NCAPH2: variants seen among roughly 807,000 people sequenced by gnomAD.
NCAPH2 encodes condensin-2 complex subunit H2.
NCAPH2 carries 56 observed loss-of-function variants against 88.6 expected under a neutral mutation model. The observed-to-expected ratio is 0.63, with a 90% CI of 0.51 to 0.79. NCAPH2 has a LOEUF of 0.79. Ranked by LOEUF, NCAPH2 falls within the 30% of genes least tolerant of loss-of-function variation. The pLI, the probability that NCAPH2 is intolerant of heterozygous loss-of-function variation, is 0.00. For missense variants in NCAPH2, 794 were observed against 792.0 expected, an observed-to-expected ratio of 1.00 and a Z score of -0.03; for synonymous variants, 378 against 313.6, an observed-to-expected ratio of 1.21 and a Z score of -2.17.
At position 50,521,030 on chromosome 22, in the gene NCAPH2, C is replaced by T. The variant is rs559989268; in HGVS notation, c.927C>T (p.Cys309=). ...EREGAPEPAS[C]VKETPDPWQS... ...AGGGGGCCCCAGAGCCTGCATCCTGCGTGAAGGTAGGAGTGTTGGGGCCCT... is the reference window on the plus strand; with the variant it reads ...AGGGGGCCCCAGAGCCTGCATCCTGTGTGAAGGTAGGAGTGTTGGGGCCCT... The change falls in exon 10 of 20, where the codon TGC becomes TGT. Residue 309 remains cysteine, a synonymous_variant. Transcript: ENST00000420993. The T allele has an allele frequency of 2.1e-4, 331 of 1,550,418 alleles. 4 individuals carry two copies. In the South Asian group the frequency reaches 3.5e-3, roughly 16 times the overall value.
rs1213185446 is a variant in NCAPH2 at position 50,508,586 on chromosome 22, C to G, written c.108+141C>G. ...CTCTGGCCGCGCAGGTCCTCGGGCT[C>G]CCTGCTTCTTTTCAAACTCCATCTC... On this transcript the variant is annotated intron_variant, in intron 1 of 19. Coordinates refer to ENST00000420993, the MANE Select transcript of NCAPH2 (RefSeq NM_152299.4). The G allele has an allele frequency of 1.1e-5, 6 of 529,630 alleles. No homozygotes were observed. In the South Asian group the frequency reaches 1.8e-4, roughly 16 times the overall value. 32.8% of individuals were successfully genotyped at this position (529,630 alleles called of 1,614,324 possible).
intron 1 of NCAPH2, among the ~76,000 whole-genome samples, chr22:50,514,309 G>C (rs915616981): frequency 2.0e-5 from 3 of 152,014 alleles, no homozygotes; most frequent in Non-Finnish European, 4.4e-5. Flanking sequence ...GTGGACGGGA[G>C]GGGAGTGAAG....
In NCAPH2 at chr22:50,523,022, G is replaced by C. The variant is rs879003152; in HGVS notation, c.1533G>C (p.Gln511His). 6.2e-7 allele frequency: 1 copy of C among 1,601,734 alleles called. No homozygotes were observed. Among genetic ancestry groups the C allele is most frequent in the South Asian group, 1.1e-5 (1 of 90,076 alleles). The part of the protein sequence containing the change: ...TVQPLLQEQE[Q>H]HVPFDIHTYG... ...CATGCCCCTCCCCTGTGCAGGAGCA[G>C]CATGTGCCCTTTGACATCCACACCT... Residue 511 changes from glutamine (Q) to histidine (H), a missense_variant, in exon 19 of 20, where the codon CAG becomes CAC. Physicochemically the swap from Gln to His is conservative, Grantham distance 24. Transcript: ENST00000420993.
chr22:50,508,416 G>GCGGC lies in NCAPH2; in HGVS notation c.81_84dup (p.Gln29GlyfsTer18). Reference sequence around the variant, plus strand: ...CACCAAGAACTGGGAGGTGGACGTGGCGGCCCAGCTGGGCGAGTATCTGGA... The same window carrying GCGGC: ...CACCAAGAACTGGGAGGTGGACGTGGCGGCCGGCCCAGCTGGGCGAGTATCTGGA... On this transcript the variant is annotated frameshift_variant, in exon 1 of 20. Coordinates refer to ENST00000420993, the MANE Select transcript of NCAPH2 (RefSeq NM_152299.4). LOFTEE classifies it high-confidence loss of function. 6.8e-7 allele frequency: 1 copy of GCGGC among 1,468,108 alleles called. No individual in the cohort carries two copies. Among genetic ancestry groups the GCGGC allele is most frequent in the Non-Finnish European group, 9.0e-7 (1 of 1,110,596 alleles). The allele number at this position is 1,468,108 out of a possible 1,614,324, so 90.9% of individuals were successfully genotyped here.
intron 8 of NCAPH2, 124 bp from the exon 9 acceptor site, chr22:50,519,066 G>T: frequency 1.1e-6 from 1 of 940,712 alleles, no homozygotes; most frequent in Non-Finnish European, 1.6e-6. Flanking sequence ...ATGGTGCAAG[G>T]CACCCGCCAA....
At chr22:50,522,113 A>G in intron 13 of NCAPH2, 68 bp from the exon 14 acceptor site, 6 of 1,612,516 alleles carry the variant, frequency 3.7e-6, no homozygotes, top group Non-Finnish European at 5.1e-6. Flanking sequence ...GTGTCACCCA[A>G]AGCCTTGGGT....
intron 1 of NCAPH2, among the ~76,000 whole-genome samples, chr22:50,508,980 C>T (rs1337088538): frequency 6.6e-6 from 1 of 152,228 alleles, no homozygotes; most frequent in Non-Finnish European, 1.5e-5. Context: ...CTCAGTCTGG[C>T]GTCCACGACA....
At chr22:50,514,922 A>G (rs1265873719) in intron 1 of NCAPH2, among the ~76,000 whole-genome samples, 1 of 152,076 alleles carries the variant, frequency 6.6e-6, no homozygotes, top group Non-Finnish European at 1.5e-5. Flanking sequence ...GATCATGCTC[A>G]TTTTCCTGAA....
chr22:50,512,777 C>A (rs553248889), intron 1 of NCAPH2, among the ~76,000 whole-genome samples: 1 of 152,202 alleles, frequency 6.6e-6, no homozygotes, highest in South Asian at 2.1e-4. Flanking sequence ...AACTCCCAAG[C>A]TCAAGTGATC....
At chr22:50,517,363 C>T in intron 2 of NCAPH2, 64 bp from the exon 3 acceptor site, 2 of 1,560,464 alleles carry the variant, frequency 1.3e-6, no homozygotes, top group African/African-American at 1.4e-5. Flanking sequence ...CGATGGATAG[C>T]TGGGAAGGCC....
rs1193741109 is a variant in NCAPH2 at position 50,521,758 on chromosome 22, C to T, written c.1018C>T (p.Pro340Ser). ...GCCCCCAGGTAGGCCTTACTCTGTGCCCCCCTGTGTGGAGGAGGCTCTGGG... is the reference window on the plus strand; with the variant it reads ...GCCCCCAGGTAGGCCTTACTCTGTGTCCCCCTGTGTGGAGGAGGCTCTGGG... ...PFKKGRPYSV[P>S]PCVEEALGQK... Residue 340 changes from proline to serine, a missense_variant, in exon 12 of 20, where the codon CCC (proline) becomes TCC (serine). This residue lies in a region of NCAPH2 where 735 missense variants were observed against 696.3 expected (regional missense o/e 1.06). Transcript: ENST00000420993. 2.5e-6 allele frequency: 4 copies of T among 1,613,758 alleles called. No homozygotes were observed. Among genetic ancestry groups the T allele is most frequent in the East Asian group, 4.5e-5 (2 of 44,892 alleles).
Position 50,521,528 on chromosome 22 carries a change from G to C in NCAPH2, c.934-15G>C. The C allele has an allele frequency of 1.2e-6, 2 of 1,613,358 alleles. No homozygotes were observed. Among genetic ancestry groups the C allele is most frequent in the Non-Finnish European group, 1.7e-6 (2 of 1,179,906 alleles). On this transcript the variant is annotated splice_polypyrimidine_tract_variant and intron_variant, in intron 10 of 19. Coordinates refer to ENST00000420993, the MANE Select transcript of NCAPH2 (RefSeq NM_152299.4). ...CCCCCTACTTCTCCAGCGCCTTCTT[G>C]TGCTCTGTGCCCAGGAGACTCCAGA...
chr22:50,521,671 T>C, intron 11 of NCAPH2, 62 bp downstream of exon 11: 1 of 1,550,358 alleles, frequency 6.5e-7, no homozygotes, highest in South Asian at 1.1e-5. Flanking sequence ...GGGCATGAGG[T>C]GGGGGGGTGG....
At chr22:50,521,422 G>C in intron 10 of NCAPH2, 121 bp from the exon 11 acceptor site, 1 of 1,018,520 alleles carries the variant, frequency 9.8e-7, no homozygotes, top group Admixed American at 1.8e-5. Flanking sequence ...CCTCCTTTGG[G>C]AGCGCGGCTG....
Position 50,522,565 on chromosome 22 carries a change from C to T in NCAPH2, c.1371C>T (p.Asp457=), listed in dbSNP as rs750778947. ...GAGCAGACCCCAGGGAAGCCGCTGA[C>T]CTTGGTAGGTGGGCAGCGGGCTAGG... ...PEGADPREAA[D]LDAVPMSLSY... Residue 457 remains aspartate, a synonymous_variant, in exon 16 of 20, where the codon GAC becomes GAT. Coordinates refer to ENST00000420993, the MANE Select transcript of NCAPH2 (RefSeq NM_152299.4). The T allele has an allele frequency of 1.8e-5, 29 of 1,613,644 alleles. No individual in the cohort carries two copies. The highest frequency in any genetic ancestry group is 2.4e-5 in the Non-Finnish European group (28 of 1,179,982).
At chr22:50,515,080 G>A (rs2068878896) in intron 1 of NCAPH2, among the ~76,000 whole-genome samples, 1 of 152,208 alleles carries the variant, frequency 6.6e-6, no homozygotes, top group Admixed American at 6.5e-5. Context: ...TGAACAGAAG[G>A]CTGGAATTAC....
Position 50,522,845 on chromosome 22 carries a change from A to C in NCAPH2, c.1450A>C (p.Lys484Gln), listed in dbSNP as rs772630528. Residue 484 changes from lysine to glutamine, a missense_variant, in exon 18 of 20, where the codon AAG becomes CAG. Around this residue, in one of 2 missense-constraint regions of NCAPH2, gnomAD observed 735 missense variants for 696.3 expected, o/e 1.06. Transcript: ENST00000420993. ...NVELFIATSQ[K>Q]FVQETELSQR... The stretch of plus-strand genomic sequence containing the variant: ...GGAGCTCTTCATCGCCACCTCCCAG[A>C]AGTTTGTCCAGGAGACAGAGCTGAG... 4.3e-6 allele frequency: 7 copies of C among 1,613,456 alleles called. No homozygotes were observed. The Admixed American group carries it at 8.3e-5, about 19-fold the overall frequency.
At chr22:50,508,650 C>T (rs1181131603) in intron 1 of NCAPH2, among the ~76,000 whole-genome samples, 1 of 152,210 alleles carries the variant, frequency 6.6e-6, no homozygotes, top group Non-Finnish European at 1.5e-5. Context: ...TAGCGTGGAC[C>T]TGTCATTGCA....
intron 1 of NCAPH2, among the ~76,000 whole-genome samples, chr22:50,509,355 A>G (rs1252756468): frequency 6.6e-6 from 1 of 152,078 alleles, no homozygotes; most frequent in African/African-American, 2.4e-5. Context: ...CAAACATCTC[A>G]TTTAACATAT....
Sources: gnomAD v4.1 joint callset for allele counts (sites outside exome capture counted in the v4.1 genomes callset) on GRCh38, gnomAD v4.1.1 for gene constraint, gnomAD v4.1.1 regional missense constraint, MANE v1.5 for transcripts, NCBI Gene and HGNC (gene_info 2026-07-23, HGNC 2026-07-21) for gene names.